The following SOX6 variants were observed in gnomAD, a reference collection of about 807,000 sequenced individuals.
The protein encoded by SOX6 is SRY-box transcription factor 6.
Under a neutral mutation model 97.8 loss-of-function variants are expected in SOX6, and 11 were observed. That is an observed-to-expected ratio of 0.11 (90% CI 0.07 to 0.19). The LOEUF is 0.19. Among genes scored for constraint, SOX6 ranks in the 10% least tolerant of loss-of-function variants. The probability of loss-of-function intolerance (pLI) is 1.00; values close to 1 mark genes in which losing one functional copy is unlikely to be tolerated. For synonymous variants in SOX6, 360 were observed against 371.4 expected (o/e 0.97, Z 0.35); for missense variants, 810 against 1,039.5 (o/e 0.78, Z 3.04).
intron 2 of SOX6, among the ~76,000 whole-genome samples, chr11:16,340,774 C>A (rs190496698): frequency 6.6e-6 from 1 of 152,110 alleles, no homozygotes; most frequent in African/African-American, 2.4e-5. Context: ...CCACAAAAAT[C>A]AATCGATAAA....
intron 3 of SOX6, among the ~76,000 whole-genome samples, chr11:16,293,492 T>C (rs1192333284): frequency 1.3e-5 from 2 of 152,116 alleles, no homozygotes; most frequent in East Asian, 3.9e-4. Flanking sequence ...GCCCTACTTG[T>C]TTCTGACATT....
At position 16,283,089 on chromosome 11, in the gene SOX6, GTA is replaced by G. The variant is rs10581083; in HGVS notation, c.445+35355_445+35356del. On this transcript the variant is annotated intron_variant, in intron 3 of 15. Coordinates refer to ENST00000683767, the MANE Select transcript of SOX6 (RefSeq NM_001367873.1). Reference sequence around the variant, plus strand: ...TATATATGTAAATTATATATAATTTGTATATATATATATATATATATATATGA... The same window carrying G: ...TATATATGTAAATTATATATAATTTGTATATATATATATATATATATATGA... 8.0e-3 allele frequency among the ~76,000 whole-genome samples: 913 copies of G among 113,676 alleles called. 27 individuals carry two copies. Among genetic ancestry groups the G allele is most frequent in the East Asian group, 0.029 (122 of 4,246 alleles). The allele number at this position is 113,676 out of a possible 152,430, so 74.6% of individuals were successfully genotyped here.
At chr11:16,573,773 A>C (rs113662265) in intron 4 of SOX6, among the ~76,000 whole-genome samples, 3 of 152,198 alleles carry the variant, frequency 2.0e-5, no homozygotes, top group Admixed American at 6.5e-5. Context: ...TTACTACTTA[A>C]TTAATATTTG....
chr11:16,606,034 T>C (rs1167657308), intron 4 of SOX6: 2 of 152,110 alleles, frequency 1.3e-5, no homozygotes, highest in Non-Finnish European at 2.9e-5. Flanking sequence ...TTATGGCTTA[T>C]GCATTCTTTT....
chr11:16,549,966 T>A lies in SOX6; in HGVS notation n.609+62115A>T, dbSNP rs948678770. On this transcript the variant is annotated intron_variant and non_coding_transcript_variant, in intron 4 of 5. Transcript: ENST00000524520. ...GTGACAGGCTGACTACAAAGGGGCA[T>A]GGAAAGCCTTTGGAGATGATGAAAA... Among the ~76,000 whole-genome samples, 3 of 152,124 alleles carry A rather than the reference T, an allele frequency of 2.0e-5. No homozygotes were observed. The South Asian group carries it at 6.2e-4, about 32-fold the overall frequency.
At position 16,492,546 on chromosome 11, in the gene SOX6, C is replaced by G. The variant is rs117508360; in HGVS notation, n.610-16158G>C. On this transcript the variant is annotated intron_variant and non_coding_transcript_variant, in intron 4 of 5. Coordinates refer to the SOX6 transcript ENST00000524520. ...CTTCAGGAAGGCTTTCTGTGCCCTT[C>G]TCAGAGGTTCTAAAAGAATCCAGTT... Among the ~76,000 whole-genome samples, 165 of 152,308 alleles carry G rather than the reference C, an allele frequency of 1.1e-3. 1 individual carries two copies. The highest frequency in any genetic ancestry group is 1.8e-3 in the Admixed American group (28 of 15,302).
chr11:16,222,519 T>C (rs1213771403), intron 4 of SOX6, among the ~76,000 whole-genome samples: 2 of 152,130 alleles, frequency 1.3e-5, no homozygotes, highest in Non-Finnish European at 2.9e-5. Context: ...TGGCCCTACG[T>C]ACAAGGTTTA....
At chr11:16,130,241 C>T (rs1849707176) in intron 6 of SOX6, among the ~76,000 whole-genome samples, 1 of 151,882 alleles carries the variant, frequency 6.6e-6, no homozygotes, top group Non-Finnish European at 1.5e-5. Flanking sequence ...AAGACCTCTA[C>T]ACTAAAAGCT....
chr11:15,984,342 G>A (rs930509403), intron 15 of SOX6, among the ~76,000 whole-genome samples: 6 of 152,218 alleles, frequency 3.9e-5, no homozygotes, highest in South Asian at 2.1e-4. Context: ...TATTAAAACA[G>A]CACCTTTAGT....
chr11:16,487,670 C>T (rs559915935), intron 4 of SOX6, among the ~76,000 whole-genome samples: 25 of 152,200 alleles, frequency 1.6e-4, no homozygotes, highest in African/African-American at 2.6e-4. Flanking sequence ...ATAGAGCAGA[C>T]GTATAGAAAA....
rs554903899 is a variant in SOX6, at chr11:16,390,467, G to T, written c.-4-49215C>A. 3.9e-4 allele frequency among the ~76,000 whole-genome samples: 59 copies of T among 152,172 alleles called. 1 individual carries two copies. The highest frequency in any genetic ancestry group is 1.3e-3 in the African/African-American group (55 of 41,516). Reference sequence around the variant, plus strand: ...CACTCAATTTTCAGTGGATTAAGTGGCCCTTTCTCACTACCAACTACTCTC... The same window carrying T: ...CACTCAATTTTCAGTGGATTAAGTGTCCCTTTCTCACTACCAACTACTCTC... On this transcript the variant is annotated intron_variant, in intron 1 of 15. Transcript: ENST00000396356.
chr11:16,299,129 T>G (rs1480102228), intron 3 of SOX6, among the ~76,000 whole-genome samples: 1 of 152,184 alleles, frequency 6.6e-6, no homozygotes, highest in Non-Finnish European at 1.5e-5. Flanking sequence ...ATAATCTTAA[T>G]ACAAATAGTA....
intron 4 of SOX6, among the ~76,000 whole-genome samples, chr11:16,524,622 T>C (rs1861125621): frequency 6.6e-6 from 1 of 151,284 alleles, no homozygotes; most frequent in African/African-American, 2.4e-5. Flanking sequence ...GTGTTGGAAG[T>C]TCTGGCCAGG....
chr11:16,492,085 A>G (rs1420451278), intron 4 of SOX6, among the ~76,000 whole-genome samples: 2 of 152,196 alleles, frequency 1.3e-5, no homozygotes, highest in East Asian at 3.8e-4. Context: ...GTAAGAAAAG[A>G]TTTTTTAAAC....
chr11:16,679,812 T>G (rs757010739), intron 3 of SOX6, among the ~76,000 whole-genome samples: 2 of 152,148 alleles, frequency 1.3e-5, no homozygotes, highest in Admixed American at 1.3e-4. Flanking sequence ...TCGTGACACA[T>G]GCACAAGCTT....
rs538380817 is a variant in SOX6, at chr11:16,329,651, T to G, written c.238-10998A>C. Among the ~76,000 whole-genome samples, 23 of 152,286 alleles carry G rather than the reference T, an allele frequency of 1.5e-4. 1 individual carries two copies. The highest frequency in any genetic ancestry group is 5.3e-4 in the African/African-American group (22 of 41,582). On this transcript the variant is annotated intron_variant, in intron 2 of 15. Coordinates refer to ENST00000683767, the MANE Select transcript of SOX6 (RefSeq NM_001367873.1). ...CAATAATAATAGTACAGTAAAGAAT[T>G]TATCTCAAAGAGTTGTGGGAATTAA...
intron 4 of SOX6, among the ~76,000 whole-genome samples, chr11:16,540,278 T>C (rs1203224514): frequency 2.0e-5 from 3 of 152,174 alleles, no homozygotes; most frequent in Non-Finnish European, 2.9e-5. Context: ...CAGCCCTTCA[T>C]GCTAAAAACT....
At chr11:16,583,614 C>CATATATATATATATATATACATAT (rs1848053726) in intron 4 of SOX6, among the ~76,000 whole-genome samples, 3 of 104,716 alleles carry the variant, frequency 2.9e-5, no homozygotes, top group South Asian at 3.0e-4. Context: ...TATATATATA[C>CATATATATATATATATATACATAT]ATATATATAT....
chr11:16,283,745 A>T, intron 3 of SOX6: 1 of 255,536 alleles, frequency 3.9e-6, no homozygotes, highest in Non-Finnish European at 7.7e-6. Flanking sequence ...ACAAAGAATG[A>T]TTATATTTAC....
Sources: gnomAD v4.1 joint callset for allele counts (sites outside exome capture counted in the v4.1 genomes callset) on GRCh38, gnomAD v4.1.1 for gene constraint, MANE v1.5 for transcripts, NCBI Gene and HGNC (gene_info 2026-07-23, HGNC 2026-07-21) for gene names.